The following MSI2 variants were observed in gnomAD, a reference collection of about 807,000 sequenced individuals.
MSI2 encodes the protein RNA-binding protein Musashi homolog 2.
Under a neutral mutation model 45.6 loss-of-function variants are expected in MSI2, and 17 were observed. The ratio of observed to expected loss-of-function variants is 0.37; its 90% CI spans 0.26 to 0.56. The LOEUF (loss-of-function observed/expected upper bound fraction) is 0.56, where lower values mean the gene tolerates loss of function less well. Among genes scored for constraint, MSI2 ranks in the 20% least tolerant of loss-of-function variants. MSI2 has a pLI of 0.77. For synonymous variants in MSI2, 156 were observed against 158.2 expected, an observed-to-expected ratio of 0.99 and a Z score of 0.11; for missense variants, 293 against 444.2, an observed-to-expected ratio of 0.66 and a Z score of 3.06.
rs146088792 is a variant in MSI2, at chr17:57,310,614, C to T, written c.312+48422C>T. ...CTCCCAAAGTGCTGGGCATCAGCCACTGTGCTTGGCCGACTGTGTCATTTT... is the reference window on the plus strand; with the variant it reads ...CTCCCAAAGTGCTGGGCATCAGCCATTGTGCTTGGCCGACTGTGTCATTTT... On this transcript the variant is annotated intron_variant, in intron 5 of 13. Coordinates refer to ENST00000284073, the MANE Select transcript of MSI2 (RefSeq NM_138962.4). Among the ~76,000 whole-genome samples the T allele has an allele frequency of 4.8e-3, 728 of 152,352 alleles. 5 individuals are homozygous for T. The highest frequency in any genetic ancestry group is 7.2e-3 in the Non-Finnish European group (489 of 68,036).
chr17:57,680,117 G>A lies in MSI2; in HGVS notation c.*600G>A. 1 of 228,208 alleles carries A rather than the reference G, an allele frequency of 4.4e-6. No individual in the cohort carries two copies. The allele number at this position is 228,208 out of a possible 1,614,324, so 14.1% of individuals were successfully genotyped here. A position where few individuals can be genotyped will look rare whatever the true frequency, so the allele number is the denominator to read the frequency against. ...GAAGTGCAGGGCGGGAGGTGGGCGT[G>A]AGCTTTCTATTTTGCGTTGTAGAAG... On this transcript the variant is annotated 3_prime_UTR_variant, in exon 14 of 14. Coordinates refer to ENST00000284073, the MANE Select transcript of MSI2 (RefSeq NM_138962.4).
chr17:57,450,050 A>G (rs1271675571), intron 6 of MSI2: 1 of 152,066 alleles, frequency 6.6e-6, no homozygotes, highest in Non-Finnish European at 1.5e-5. Flanking sequence ...AAACAAACAA[A>G]CAAAAAACTG....
intron 1 of MSI2, 24 bp from the exon 2 acceptor site, chr17:57,257,074 T>C (rs764455739): frequency 1.3e-5 from 21 of 1,568,064 alleles, no homozygotes; most frequent in Non-Finnish European, 1.7e-5. Flanking sequence ...CGGTGCTCAC[T>C]TCTGTTATGT....
intron 6 of MSI2, among the ~76,000 whole-genome samples, chr17:57,430,395 C>G (rs947832270): frequency 6.6e-6 from 1 of 152,152 alleles, no homozygotes; most frequent in African/African-American, 2.4e-5. Context: ...TAATCAGTGT[C>G]CACACTGCCC....
chr17:57,298,418 G>A (rs886918018), intron 5 of MSI2, among the ~76,000 whole-genome samples: 5 of 152,170 alleles, frequency 3.3e-5, no homozygotes, highest in Non-Finnish European at 2.9e-5. Context: ...AAAGAGATGT[G>A]CTGTCAGCCA....
chr17:57,373,227 C>CAA (rs35853201), intron 5 of MSI2, among the ~76,000 whole-genome samples: 13,462 of 147,848 alleles, frequency 0.091, 684 homozygotes, highest in Non-Finnish European at 0.12. Context: ...TCCAGCCTGT[C>CAA]AAAAAAAAAA....
At chr17:57,299,527 A>G (rs1040631880) in intron 5 of MSI2, among the ~76,000 whole-genome samples, 9 of 152,196 alleles carry the variant, frequency 5.9e-5, no homozygotes, top group African/African-American at 2.2e-4. Context: ...GGGAAGGGGA[A>G]GGGACGTGGG....
intron 8 of MSI2, among the ~76,000 whole-genome samples, chr17:57,606,751 G>C (rs1006247093): frequency 6.6e-6 from 1 of 152,138 alleles, no homozygotes; most frequent in Non-Finnish European, 1.5e-5. Context: ...CTGAGCAGAG[G>C]AAACAATGGA....
intron 6 of MSI2, among the ~76,000 whole-genome samples, chr17:57,423,190 T>A (rs987097489): frequency 6.6e-6 from 1 of 152,260 alleles, no homozygotes; most frequent in South Asian, 2.1e-4. Flanking sequence ...GGATGGCTTA[T>A]GAAAATTAAT....
At chr17:57,644,214 G>GTTTTT (rs571385748) in intron 10 of MSI2, among the ~76,000 whole-genome samples, 1 of 87,446 alleles carries the variant, frequency 1.1e-5, no homozygotes. Flanking sequence ...AGGGTAAGTT[G>GTTTTT]TTTTTTTTTT....
intron 9 of MSI2, among the ~76,000 whole-genome samples, chr17:57,624,428 C>T (rs951980561): frequency 2.6e-5 from 4 of 152,176 alleles, no homozygotes; most frequent in African/African-American, 9.7e-5. Context: ...TGCCTAGCCA[C>T]GAAATAAATA....
At position 57,257,142 on chromosome 17, in the gene MSI2, A is replaced by G; in HGVS notation, c.103+4A>G. 1 of 520,780 alleles carries G rather than the reference A, an allele frequency of 1.9e-6. No homozygotes were observed. Among genetic ancestry groups the G allele is most frequent in the Non-Finnish European group, 3.8e-6 (1 of 265,550 alleles). The allele number at this position is 520,780 out of a possible 1,614,324, so 32.3% of individuals were successfully genotyped here. A position where few individuals can be genotyped will look rare whatever the true frequency, so the allele number is the denominator to read the frequency against. On this transcript the variant is annotated splice_donor_region_variant and intron_variant, in intron 2 of 13. Coordinates refer to ENST00000284073, the MANE Select transcript of MSI2 (RefSeq NM_138962.4). ...CTGAGCTGGCAGACCTCACCAGGTAAGGGAGGGAGGGGGGGACGCCTGGGT... is the reference window on the plus strand; with the variant it reads ...CTGAGCTGGCAGACCTCACCAGGTAGGGGAGGGAGGGGGGGACGCCTGGGT...
intron 6 of MSI2, among the ~76,000 whole-genome samples, chr17:57,493,933 G>A (rs1391075248): frequency 6.6e-6 from 1 of 152,158 alleles, no homozygotes; most frequent in African/African-American, 2.4e-5. Context: ...GCCCTCTGCA[G>A]AAGTTAAGTG....
At chr17:57,311,457 C>A (rs1912394403) in intron 5 of MSI2, among the ~76,000 whole-genome samples, 1 of 152,170 alleles carries the variant, frequency 6.6e-6, no homozygotes, top group African/African-American at 2.4e-5. Flanking sequence ...TGGAGAGGTA[C>A]CTGAAAGAAA....
chr17:57,434,346 C>T (rs548470651), intron 6 of MSI2, among the ~76,000 whole-genome samples: 3 of 152,280 alleles, frequency 2.0e-5, no homozygotes, highest in Non-Finnish European at 2.9e-5. Flanking sequence ...GCAATCTGCC[C>T]GCCTCGGCCT....
intron 6 of MSI2, chr17:57,450,255 T>TAGAAAGAAAGAAAGAAAGAAAG (rs1567830518): frequency 7.1e-4 from 54 of 76,044 alleles, no homozygotes; most frequent in African/African-American, 2.0e-3. Context: ...TTCCCCAGCT[T>TAGAAAGAAAGAAAGAAAGAAAG]AAAGAAAGAA....
intron 8 of MSI2, among the ~76,000 whole-genome samples, chr17:57,611,370 G>A (rs1907195103): frequency 1.0e-5 from 1 of 96,278 alleles, no homozygotes; most frequent in African/African-American, 3.2e-5. Flanking sequence ...CCTCTGCCCT[G>A]TGGTGAGAGC....
chr17:57,567,519 C>T (rs1047662700), intron 7 of MSI2, among the ~76,000 whole-genome samples: 11 of 152,322 alleles, frequency 7.2e-5, no homozygotes, highest in African/African-American at 2.4e-4. Context: ...TGGCAGCTTG[C>T]GAGTGTCATT....
chr17:57,584,531 G>A (rs1462805203), intron 7 of MSI2, among the ~76,000 whole-genome samples: 1 of 152,182 alleles, frequency 6.6e-6, no homozygotes, highest in African/African-American at 2.4e-5. Flanking sequence ...CTGTCAGTGG[G>A]ACTGGTCTGA....
Sources: gnomAD v4.1 joint callset for allele counts (sites outside exome capture counted in the v4.1 genomes callset) on GRCh38, gnomAD v4.1.1 for gene constraint, MANE v1.5 for transcripts, NCBI Gene and HGNC (gene_info 2026-07-23, HGNC 2026-07-21) for gene names.